Variants in SDK1 observed in about 807,000 individuals in gnomAD.
The protein encoded by SDK1 is sidekick cell adhesion molecule 1.
Under a neutral mutation model 245.5 loss-of-function variants are expected in SDK1, and 157 were observed. The observed-to-expected ratio is 0.64, with a 90% CI of 0.56 to 0.73. The LOEUF is 0.73. Among genes scored for constraint, SDK1 ranks in the 30% least tolerant of loss-of-function variants. The pLI is 0.00. For missense variants in SDK1, 3,583 were observed against 3,002.3 expected, an observed-to-expected ratio of 1.19 and a Z score of -4.52; for synonymous variants, 1,647 against 1,278.5, an observed-to-expected ratio of 1.29 and a Z score of -6.15.
chr7:3,684,084 G>C (rs1300622994), intron 4 of SDK1, among the ~76,000 whole-genome samples: 1 of 152,192 alleles, frequency 6.6e-6, no homozygotes, highest in Admixed American at 6.5e-5. Flanking sequence ...GGTGGTGGCA[G>C]GCCTCAGTAG....
intron 38 of SDK1, among the ~76,000 whole-genome samples, chr7:4,215,249 G>A (rs539672603): frequency 6.6e-6 from 1 of 152,362 alleles, no homozygotes; most frequent in East Asian, 1.9e-4. Flanking sequence ...CAGAGCACTG[G>A]CATCTGATGA....
chr7:4,143,657 G>T (rs1779738940), intron 28 of SDK1, among the ~76,000 whole-genome samples: 1 of 152,198 alleles, frequency 6.6e-6, no homozygotes, highest in Non-Finnish European at 1.5e-5. Flanking sequence ...CTTCTGCGCA[G>T]TGGGCCCTGG....
intron 4 of SDK1, among the ~76,000 whole-genome samples, chr7:3,742,044 C>T (rs7791672): frequency 0.073 from 10,604 of 145,964 alleles, 1,217 homozygotes; most frequent in African/African-American, 0.25. Flanking sequence ...TTAGAATTAG[C>T]GCTTAAAATA....
At chr7:4,058,536 T>C (rs998030192) in intron 19 of SDK1, among the ~76,000 whole-genome samples, 8 of 152,116 alleles carry the variant, frequency 5.3e-5, no homozygotes, top group Non-Finnish European at 7.4e-5. Flanking sequence ...AGAAAGGTCT[T>C]CTCCATGGCA....
At chr7:3,359,485 C>T (rs1471654294) in intron 1 of SDK1, among the ~76,000 whole-genome samples, 1 of 152,156 alleles carries the variant, frequency 6.6e-6, no homozygotes, top group East Asian at 1.9e-4. Flanking sequence ...ATCACAGAGG[C>T]TAGTAGCCTT....
At chr7:3,430,455 G>A (rs1410113718) in intron 1 of SDK1, among the ~76,000 whole-genome samples, 1 of 152,110 alleles carries the variant, frequency 6.6e-6, no homozygotes, top group African/African-American at 2.4e-5. Flanking sequence ...CAGAAGCTTC[G>A]TCCGCCTCAT....
chr7:3,890,705 G>A (rs1441341378), intron 5 of SDK1, among the ~76,000 whole-genome samples: 1 of 152,110 alleles, frequency 6.6e-6, no homozygotes, highest in Admixed American at 6.5e-5. Context: ...ACTTTGGGAG[G>A]CTGAGGCAGT....
chr7:3,704,355 C>T (rs1448453326), intron 4 of SDK1, among the ~76,000 whole-genome samples: 1 of 148,356 alleles, frequency 6.7e-6, no homozygotes, highest in South Asian at 2.2e-4. Flanking sequence ...GGATCCATGC[C>T]AATATCGATT....
chr7:3,426,706 C>G (rs1399688379), intron 1 of SDK1, among the ~76,000 whole-genome samples: 1 of 152,238 alleles, frequency 6.6e-6, no homozygotes, highest in Non-Finnish European at 1.5e-5. Flanking sequence ...CTTCTCTGCC[C>G]TCATGGCCAT....
intron 1 of SDK1, among the ~76,000 whole-genome samples, chr7:3,308,542 T>C (rs1291889248): frequency 6.9e-6 from 1 of 144,868 alleles, no homozygotes; most frequent in East Asian, 2.0e-4. Context: ...TCCAATTTCT[T>C]GAAAACAGAT....
At chr7:4,049,210 C>T (rs1789252388) in intron 17 of SDK1, 138 bp from the exon 18 acceptor site, 1 of 629,290 alleles carries the variant, frequency 1.6e-6, no homozygotes, top group Non-Finnish European at 2.8e-6. Context: ...CTTCCCAAAA[C>T]ATTCATCACA....
chr7:3,583,769 G>T (rs1780592726), intron 1 of SDK1, among the ~76,000 whole-genome samples: 1 of 151,152 alleles, frequency 6.6e-6, no homozygotes, highest in Admixed American at 6.6e-5. Context: ...TGCTTGCAGG[G>T]TCCTGTGAAT....
Position 4,237,708 on chromosome 7 carries a change from C to T in SDK1, c.6054C>T (p.Ser2018=), listed in dbSNP as rs773384124. ...WWFLLVMALS[S]LIVILLVVFA... ...TCCTCCTGGTGATGGCTCTGTCCAGCCTGATCGTCATCCTGCTGGTGGTGT... is the reference window on the plus strand; with the variant it reads ...TCCTCCTGGTGATGGCTCTGTCCAGTCTGATCGTCATCCTGCTGGTGGTGT... Residue 2018 remains serine, a synonymous_variant, in exon 42 of 45, where the codon AGC becomes AGT. Transcript: ENST00000404826. 6.2e-7 allele frequency: 1 copy of T among 1,614,184 alleles called. No individual in the cohort carries two copies. The highest frequency in any genetic ancestry group is 1.1e-5 in the South Asian group (1 of 91,082).
chr7:3,990,586 T>G (rs908718346), intron 14 of SDK1, among the ~76,000 whole-genome samples: 9 of 152,170 alleles, frequency 5.9e-5, no homozygotes, highest in Non-Finnish European at 1.3e-4. Context: ...GGAGAGCTCG[T>G]GTCATCTGAA....
At chr7:3,749,832 A>G (rs994887124) in intron 4 of SDK1, among the ~76,000 whole-genome samples, 1 of 151,842 alleles carries the variant, frequency 6.6e-6, no homozygotes, top group Non-Finnish European at 1.5e-5. Context: ...TCTTGGTGTA[A>G]AATAGCAGCA....
chr7:4,193,147 TTTATA>T (rs1210862827), intron 35 of SDK1, among the ~76,000 whole-genome samples: 2 of 130,630 alleles, frequency 1.5e-5, no homozygotes, highest in African/African-American at 6.0e-5. Flanking sequence ...TATTAATATA[TTTATA>T]TAATATATAT....
intron 5 of SDK1, among the ~76,000 whole-genome samples, chr7:3,847,840 C>G (rs1429256816): frequency 6.6e-6 from 1 of 152,218 alleles, no homozygotes; most frequent in Non-Finnish European, 1.5e-5. Context: ...TTTTCTATTT[C>G]AAAAGTATGT....
chr7:4,221,191 GCCCC>G (rs750310466), intron 39 of SDK1, 44 bp from the exon 40 acceptor site: 1 of 1,604,892 alleles, frequency 6.2e-7, no homozygotes, highest in Non-Finnish European at 8.5e-7. Flanking sequence ...TGGGATGTGA[GCCCC>G]GCAGGGCTGA....
intron 1 of SDK1, among the ~76,000 whole-genome samples, chr7:3,334,230 C>T (rs189229130): frequency 2.6e-5 from 4 of 152,258 alleles, no homozygotes; most frequent in African/African-American, 4.8e-5. Context: ...TTATGGTTTC[C>T]GAGTATAGCT....
Sources: gnomAD v4.1 joint callset for allele counts (sites outside exome capture counted in the v4.1 genomes callset) on GRCh38, gnomAD v4.1.1 for gene constraint, MANE v1.5 for transcripts, NCBI Gene and HGNC (gene_info 2026-07-23, HGNC 2026-07-21) for gene names.